The following USP24 variants were observed in gnomAD, a reference collection of about 807,000 sequenced individuals.
USP24 encodes the protein ubiquitin carboxyl-terminal hydrolase 24.
A neutral mutation model predicts 361.6 loss-of-function variants in USP24; 97 were observed. The observed-to-expected ratio is 0.27, with a 90% CI of 0.23 to 0.32. The LOEUF is 0.32. USP24 is among the 10% of genes least tolerant of loss of function. The pLI is 1.00. For synonymous variants in USP24, 1,098 were observed against 1,124.6 expected, an observed-to-expected ratio of 0.98 and a Z score of 0.47; for missense variants, 2,353 against 3,165.6, an observed-to-expected ratio of 0.74 and a Z score of 6.16.
rs554177044 is a variant in USP24 at position 55,068,228 on chromosome 1, A to C, written c.*817T>G. ...GTTAAACTCAGTAAAATTATATCTT[A>C]AAGTGCTTTTATTTTGCTGTTTTTA... On this transcript the variant is annotated 3_prime_UTR_variant, in exon 68 of 68. Coordinates refer to ENST00000294383, the MANE Select transcript of USP24 (RefSeq NM_015306.3). The C allele has an allele frequency of 8.5e-5, 13 of 152,364 alleles. No individual in the cohort carries two copies. The East Asian group carries it at 2.5e-3, about 29-fold the overall frequency. 9.4% of individuals were successfully genotyped at this position (152,364 alleles called of 1,614,324 possible). A position where few individuals can be genotyped will look rare whatever the true frequency, so the allele number is the denominator to read the frequency against.
chr1:55,096,317 T>C (rs1021376571), intron 50 of USP24, among the ~76,000 whole-genome samples, 181 bp downstream of exon 50: 3 of 152,200 alleles, frequency 2.0e-5, no homozygotes, highest in African/African-American at 7.2e-5. Context: ...AAAATTTTTA[T>C]AAACAGCTTG....
chr1:55,127,742 T>A (rs964480334), intron 32 of USP24, among the ~76,000 whole-genome samples: 4 of 152,216 alleles, frequency 2.6e-5, no homozygotes, highest in African/African-American at 9.6e-5. Context: ...GTTTCCTGAC[T>A]TTTTAATAAT....
At chr1:55,134,588 C>T (rs1158704578) in intron 28 of USP24, among the ~76,000 whole-genome samples, 175 bp from the exon 29 acceptor site, 5 of 152,172 alleles carry the variant, frequency 3.3e-5, no homozygotes, top group Admixed American at 2.0e-4. Context: ...ACATATTAGA[C>T]GAGGGATCAC....
At chr1:55,074,598 C>T (rs1644986034) in intron 63 of USP24, among the ~76,000 whole-genome samples, 1 of 151,288 alleles carries the variant, frequency 6.6e-6, no homozygotes, top group Admixed American at 6.6e-5. Context: ...CATGCCACTG[C>T]ACTCTAGACT....
At chr1:55,148,214 A>G (rs568360406) in intron 17 of USP24, among the ~76,000 whole-genome samples, 1 of 152,000 alleles carries the variant, frequency 6.6e-6, no homozygotes, top group Non-Finnish European at 1.5e-5. Context: ...TCTAACTTTT[A>G]AAAACTGGCT....
rs180946237 is a variant in USP24, at chr1:55,158,801, T to C, written c.1227+77A>G. 7.3e-4 allele frequency: 857 copies of C among 1,178,064 alleles called. 2 individuals carry two copies. Among genetic ancestry groups the C allele is most frequent in the Middle Eastern group, 3.0e-3 (14 of 4,618 alleles). 73.0% of individuals were successfully genotyped at this position (1,178,064 alleles called of 1,614,324 possible). Reference sequence around the variant, plus strand: ...AAATTATTCATATTTCCCAAAATTGTTATATTAATAAGCATACATCTTGGC... The same window carrying C: ...AAATTATTCATATTTCCCAAAATTGCTATATTAATAAGCATACATCTTGGC... On this transcript the variant is annotated intron_variant, in intron 10 of 67. Coordinates refer to ENST00000294383, the MANE Select transcript of USP24 (RefSeq NM_015306.3).
intron 44 of USP24, among the ~76,000 whole-genome samples, chr1:55,100,203 A>T (rs186825368): frequency 6.6e-6 from 1 of 152,366 alleles, no homozygotes; most frequent in Non-Finnish European, 1.5e-5. Context: ...AATGTTTAAA[A>T]ATAGTATTCT....
intron 32 of USP24, among the ~76,000 whole-genome samples, chr1:55,128,934 G>A (rs1304350970): frequency 2.0e-5 from 3 of 151,614 alleles, no homozygotes; most frequent in Non-Finnish European, 4.4e-5. Flanking sequence ...CGCCCCGTAC[G>A]ATCTCAAACT....
chr1:55,187,253 A>AC (rs1368629605), intron 1 of USP24, among the ~76,000 whole-genome samples: 2 of 152,322 alleles, frequency 1.3e-5, no homozygotes, highest in African/African-American at 4.8e-5. Context: ...TTTTAAAACA[A>AC]CGACAAAACA....
chr1:55,114,304 A>G (rs1646041777), intron 38 of USP24, among the ~76,000 whole-genome samples: 1 of 152,226 alleles, frequency 6.6e-6, no homozygotes, highest in Non-Finnish European at 1.5e-5. Flanking sequence ...TGTTGTGAAA[A>G]TGGCCACGCT....
chr1:55,142,843 A>C (rs1557627020), intron 22 of USP24, 48 bp from the exon 23 acceptor site: 1 of 1,449,680 alleles, frequency 6.9e-7, no homozygotes, highest in Admixed American at 2.4e-5. Flanking sequence ...ATTTAGTTGT[A>C]ATCATTATTC....
At chr1:55,101,124 C>CT (rs1645623892) in intron 43 of USP24, among the ~76,000 whole-genome samples, 160 bp from the exon 44 acceptor site, 1 of 152,106 alleles carries the variant, frequency 6.6e-6, no homozygotes, top group Non-Finnish European at 1.5e-5. Flanking sequence ...TAATTCCTAG[C>CT]TGGTGTAATT....
intron 7 of USP24, among the ~76,000 whole-genome samples, chr1:55,164,442 T>C (rs892202828): frequency 2.0e-5 from 3 of 151,992 alleles, no homozygotes; most frequent in African/African-American, 7.2e-5. Flanking sequence ...ATTCCAAAGT[T>C]GTACTCAGAC....
Position 55,098,648 on chromosome 1 carries a change from A to G in USP24, c.5371-90T>C, listed in dbSNP as rs1360334968. The G allele has an allele frequency of 4.4e-6, 4 of 911,038 alleles. No individual in the cohort carries two copies. In the Admixed American group the frequency reaches 6.1e-5, roughly 14 times the overall value. The allele number at this position is 911,038 out of a possible 1,614,324, so 56.4% of individuals were successfully genotyped here. On this transcript the variant is annotated intron_variant, in intron 45 of 67. Transcript: ENST00000294383. ...ATTAACACATTGCAATTTAAGGACC[A>G]AAACAAAACGCGTCATTCTGGTAGT... is the stretch of plus-strand genomic sequence containing the variant.
At chr1:55,075,859 T>C (rs1645021213) in intron 62 of USP24, among the ~76,000 whole-genome samples, 2 of 152,098 alleles carry the variant, frequency 1.3e-5, no homozygotes, top group East Asian at 1.9e-4. Flanking sequence ...GTCCCAGCTA[T>C]ACAGGAGGCT....
At chr1:55,127,303 T>A (rs1646460312) in intron 32 of USP24, among the ~76,000 whole-genome samples, 1 of 151,928 alleles carries the variant, frequency 6.6e-6, no homozygotes, top group Non-Finnish European at 1.5e-5. Flanking sequence ...CACCTATGGG[T>A]GAGAACATGC....
At chr1:55,150,342 C>A (rs770055064) in intron 16 of USP24, among the ~76,000 whole-genome samples, 3 of 152,078 alleles carry the variant, frequency 2.0e-5, no homozygotes, top group Non-Finnish European at 4.4e-5. Flanking sequence ...CGGACAGTTT[C>A]TTTTTTTCTT....
In USP24 at chr1:55,113,274, A is replaced by C. The variant is rs371259052; in HGVS notation, c.4509-3028T>G. Among the ~76,000 whole-genome samples, 130 of 152,346 alleles carry C rather than the reference A, an allele frequency of 8.5e-4. 4 individuals are homozygous for C. In the South Asian group the frequency reaches 0.025, roughly 30 times the overall value. On this transcript the variant is annotated intron_variant, in intron 38 of 67. Coordinates refer to ENST00000294383, the MANE Select transcript of USP24 (RefSeq NM_015306.3). ...AACACCTCTACACAAACAAACTAGA[A>C]AATCTGTAAGAAATGGATAAATTCC...
At chr1:55,203,818 T>C (rs1447685480) in intron 1 of USP24, among the ~76,000 whole-genome samples, 1 of 152,154 alleles carries the variant, frequency 6.6e-6, no homozygotes, top group Non-Finnish European at 1.5e-5. Context: ...TTTAATGGTA[T>C]AAATCATATA....
Sources: allele counts gnomAD v4.1 joint callset (sites outside exome capture counted in the v4.1 genomes callset), GRCh38; gene constraint gnomAD v4.1.1; transcripts MANE v1.5; gene names NCBI Gene and HGNC (gene_info 2026-07-23, HGNC 2026-07-21).